Variants in RAB38 observed in about 807,000 individuals in gnomAD.
RAB38 encodes RAB38, member RAS oncogene family, also known as ras-related protein Rab-38.
In RAB38, 15 loss-of-function variants were observed where a neutral mutation model predicts 18.4. That is an observed-to-expected ratio of 0.82 (90% CI 0.55 to 1.26). RAB38 has a LOEUF of 1.26. RAB38 is among the 50% of genes most tolerant of loss of function. RAB38 has a pLI of 0.00. For missense variants in RAB38, 294 were observed against 267.4 expected (o/e 1.10, Z -0.69); for synonymous variants, 101 against 104.4 (o/e 0.97, Z 0.20).
At chr11:87,971,669 A>G in the RAB38 span, among the ~76,000 whole-genome samples, 1 of 152,154 alleles carries the variant, frequency 6.6e-6, no homozygotes. Context: ...AGAGATGCTG[A>G]TGCTAGACAG....
the RAB38 span, among the ~76,000 whole-genome samples, chr11:87,879,146 T>C: frequency 6.6e-6 from 1 of 151,660 alleles, no homozygotes; most frequent in Admixed American, 6.6e-5. Context: ...ATATCATAAA[T>C]ATAAATTTCA....
the RAB38 span, among the ~76,000 whole-genome samples, chr11:88,053,188 CACACA>C: frequency 9.5e-6 from 1 of 105,002 alleles, no homozygotes; most frequent in African/African-American, 3.8e-5. Context: ...TATATATATA[CACACA>C]TATATATGGA....
chr11:87,820,922 C>A, the RAB38 span, among the ~76,000 whole-genome samples: 28 of 151,920 alleles, frequency 1.8e-4, no homozygotes, highest in African/African-American at 6.8e-4. Flanking sequence ...GAATATGGTT[C>A]TAAAGAAATT....
At chr11:88,037,093 A>C in the RAB38 span, among the ~76,000 whole-genome samples, 1 of 152,048 alleles carries the variant, frequency 6.6e-6, no homozygotes, top group Non-Finnish European at 1.5e-5. Flanking sequence ...ATAATCATCT[A>C]GTTTGAGTGA....
At chr11:87,963,645 T>C in the RAB38 span, among the ~76,000 whole-genome samples, 8 of 142,888 alleles carry the variant, frequency 5.6e-5, no homozygotes, top group South Asian at 1.4e-3. Context: ...GTATATTTCT[T>C]TTTTTCTTTT....
At chr11:87,889,949 T>C in the RAB38 span, among the ~76,000 whole-genome samples, 1 of 151,806 alleles carries the variant, frequency 6.6e-6, no homozygotes, top group Admixed American at 6.6e-5. Flanking sequence ...TGTTCGTTGA[T>C]GATATTAACA....
At chr11:88,075,182 C>T in the RAB38 span, among the ~76,000 whole-genome samples, 23,602 of 152,132 alleles carry the variant, frequency 0.16, 3,066 homozygotes, top group African/African-American at 0.34. Flanking sequence ...TTAAACTACA[C>T]ACCAGACCAA....
At chr11:88,174,377 T>TA (rs900949148) in intron 1 of RAB38, among the ~76,000 whole-genome samples, 1 of 151,782 alleles carries the variant, frequency 6.6e-6, no homozygotes, top group African/African-American at 2.4e-5. Context: ...TTAAATATTG[T>TA]AAAAAACAAA....
At chr11:88,016,020 G>A in the RAB38 span, among the ~76,000 whole-genome samples, 2 of 152,070 alleles carry the variant, frequency 1.3e-5, no homozygotes, top group African/African-American at 4.8e-5. Flanking sequence ...TCGGCAATGT[G>A]CAATCTCCAT....
At chr11:88,003,859 TAAA>T in the RAB38 span, among the ~76,000 whole-genome samples, 2 of 1,814 alleles carry the variant, frequency 1.1e-3, no homozygotes, top group Non-Finnish European at 1.4e-3. Context: ...TATAATTATA[TAAA>T]TATAATTATA....
the RAB38 span, among the ~76,000 whole-genome samples, chr11:87,860,934 A>G: frequency 0.28 from 43,181 of 151,780 alleles, 7,775 homozygotes; most frequent in African/African-American, 0.49. Flanking sequence ...AGTTCAAAAG[A>G]AGCCCCCATC....
At chr11:87,842,396 G>A in the RAB38 span, among the ~76,000 whole-genome samples, 75 of 152,262 alleles carry the variant, frequency 4.9e-4, no homozygotes, top group African/African-American at 1.4e-3. Flanking sequence ...AAATTCTGGA[G>A]TCCAAGTAAA....
the RAB38 span, among the ~76,000 whole-genome samples, chr11:88,005,347 AG>A: frequency 6.6e-6 from 1 of 151,272 alleles, no homozygotes; most frequent in Admixed American, 6.6e-5. Flanking sequence ...TGTGGTCAAT[AG>A]CTTTTCAACA....
the RAB38 span, among the ~76,000 whole-genome samples, chr11:88,009,082 A>G: frequency 6.6e-6 from 1 of 152,232 alleles, no homozygotes; most frequent in Non-Finnish European, 1.5e-5. Context: ...AATTTTGAAC[A>G]TCAAATATTA....
chr11:88,136,241 T>C (rs1374318719), intron 2 of RAB38, among the ~76,000 whole-genome samples: 1 of 152,126 alleles, frequency 6.6e-6, no homozygotes, highest in Non-Finnish European at 1.5e-5. Context: ...GGGATATTGA[T>C]TTTCCCCCCA....
chr11:87,935,889 T>C, the RAB38 span, among the ~76,000 whole-genome samples: 1 of 152,282 alleles, frequency 6.6e-6, no homozygotes, highest in East Asian at 1.9e-4. Flanking sequence ...GGTTTTAATT[T>C]ACACTTTAAT....
At chr11:87,825,704 G>C in the RAB38 span, among the ~76,000 whole-genome samples, 3 of 152,104 alleles carry the variant, frequency 2.0e-5, no homozygotes, top group Non-Finnish European at 4.4e-5. Flanking sequence ...AAAGAGGGAA[G>C]CAGTCCTGGG....
chr11:88,060,584 G>T, the RAB38 span, among the ~76,000 whole-genome samples: 14 of 152,136 alleles, frequency 9.2e-5, no homozygotes, highest in Non-Finnish European at 1.8e-4. Flanking sequence ...ACTGAGTTGG[G>T]ACTGGAACCT....
intron 2 of RAB38, among the ~76,000 whole-genome samples, chr11:88,145,904 C>T (rs757995982): frequency 1.3e-5 from 2 of 152,130 alleles, no homozygotes; most frequent in Admixed American, 1.3e-4. Flanking sequence ...AATTATACAT[C>T]ACCTAGAGAA....
Sources: allele counts gnomAD v4.1 joint callset (sites outside exome capture counted in the v4.1 genomes callset), GRCh38; gene constraint gnomAD v4.1.1; transcripts MANE v1.5; gene names NCBI Gene and HGNC (gene_info 2026-07-23, HGNC 2026-07-21).